Variants in LATS2 observed in about 807,000 individuals in gnomAD.
LATS2 encodes the protein large tumor suppressor kinase 2.
In LATS2, 24 loss-of-function variants were observed where a neutral mutation model predicts 76.0. The observed-to-expected ratio is 0.32, with a 90% CI of 0.23 to 0.44. The LOEUF is 0.44. LATS2 is among the 20% of genes least tolerant of loss of function. The pLI, the probability that LATS2 is intolerant of heterozygous loss-of-function variation, is 1.00. For synonymous variants in LATS2, 692 were observed against 635.4 expected (o/e 1.09, Z -1.34); for missense variants, 1,286 against 1,481.2 (o/e 0.87, Z 2.16).
At chr13:21,047,504 C>T (rs151158219) in intron 1 of LATS2, among the ~76,000 whole-genome samples, 13 of 152,320 alleles carry the variant, frequency 8.5e-5, no homozygotes, top group Middle Eastern at 3.4e-3. Flanking sequence ...CTTCCCTCAC[C>T]CACTCCCCCT....
intron 2 of LATS2, among the ~76,000 whole-genome samples, chr13:21,018,935 T>C (rs1158705532): frequency 3.9e-5 from 6 of 152,060 alleles, no homozygotes; most frequent in African/African-American, 1.2e-4. Context: ...TGTGAGCCAC[T>C]GTGCCTGGAC....
At chr13:21,021,299 C>G (rs1884400497) in intron 2 of LATS2, among the ~76,000 whole-genome samples, 1 of 151,594 alleles carries the variant, frequency 6.6e-6, no homozygotes, top group Non-Finnish European at 1.5e-5. Flanking sequence ...ATGGTGAAAC[C>G]CTGTCTCTAC....
intron 2 of LATS2, among the ~76,000 whole-genome samples, chr13:21,029,846 C>G (rs1168027558): frequency 6.6e-6 from 1 of 152,074 alleles, no homozygotes; most frequent in Non-Finnish European, 1.5e-5. Flanking sequence ...CCTGTAATCC[C>G]AGCACTTTGG....
chr13:21,039,635 A>G (rs1391467106), intron 2 of LATS2, among the ~76,000 whole-genome samples: 2 of 152,340 alleles, frequency 1.3e-5, no homozygotes, highest in East Asian at 3.9e-4. Context: ...ATGCTCTGCA[A>G]CATGGGAGGC....
intron 1 of LATS2, among the ~76,000 whole-genome samples, chr13:21,054,399 C>A (rs1341245385): frequency 1.3e-5 from 2 of 152,190 alleles, no homozygotes; most frequent in Admixed American, 6.5e-5. Context: ...CAGAGCAAGT[C>A]TCCACCTCAA....
intron 2 of LATS2, among the ~76,000 whole-genome samples, chr13:21,024,988 T>C (rs1872251235): frequency 1.3e-5 from 2 of 152,106 alleles, no homozygotes; most frequent in South Asian, 2.1e-4. Context: ...CCCCCATAAC[T>C]TTTTGCCTGG....
chr13:20,979,787 T>C lies in LATS2; in HGVS notation c.2676A>G (p.Gln892=), dbSNP rs760739279. The C allele has an allele frequency of 6.2e-7, 1 of 1,602,264 alleles. No homozygotes were observed. Among genetic ancestry groups the C allele is most frequent in the Non-Finnish European group, 8.5e-7 (1 of 1,170,168 alleles). Residue 892 remains glutamine (Q), a synonymous_variant, in exon 7 of 8, where the codon CAA becomes CAG. Transcript: ENST00000382592. The part of the protein sequence containing the change: ...PEVLLRKGYT[Q]LCDWWSVGVI... ...CTCCAACACTCCACCAGTCACAGAG[T>C]TGAGTGTACCCTGCAAGACAAAGTT... is the stretch of plus-strand genomic sequence containing the variant.
chr13:20,988,002 C>G lies in LATS2; in HGVS notation c.1778G>C (p.Arg593Pro). The part of the protein sequence containing the change: ...NSRDEEKRES[R>P]IKSYSPYAFK... ...GGCGTATGGCGAGTAGCTCTTGATG[C>G]GTGACTCTCTCTTCTCTTCGTCTCT... Residue 593 changes from arginine (R) to proline (P), a missense_variant, in exon 4 of 8, where the codon CGC becomes CCC. Transcript: ENST00000382592. 2 of 1,614,246 alleles carry G rather than the reference C, an allele frequency of 1.2e-6. No individual in the cohort carries two copies. The highest frequency in any genetic ancestry group is 1.7e-6 in the Non-Finnish European group (2 of 1,180,042).
intron 1 of LATS2, 145 bp from the exon 2 acceptor site, chr13:21,046,375 A>C (rs1291391933): frequency 3.7e-6 from 1 of 267,728 alleles, no homozygotes; most frequent in Non-Finnish European, 7.2e-6. Flanking sequence ...GAAATGACAA[A>C]AATACTGTTC....
intron 1 of LATS2, among the ~76,000 whole-genome samples, chr13:21,056,488 A>G (rs1873454378): frequency 6.6e-6 from 1 of 152,246 alleles, no homozygotes; most frequent in South Asian, 2.1e-4. Flanking sequence ...TCTGTACTCA[A>G]GATATCACAA....
At chr13:21,051,236 G>C (rs1873264876) in intron 1 of LATS2, among the ~76,000 whole-genome samples, 1 of 152,174 alleles carries the variant, frequency 6.6e-6, no homozygotes, top group South Asian at 2.1e-4. Context: ...TGCACAACCT[G>C]AACACCCACA....
intron 2 of LATS2, among the ~76,000 whole-genome samples, chr13:21,019,168 C>T (rs999198062): frequency 3.3e-5 from 5 of 152,066 alleles, no homozygotes; most frequent in Admixed American, 1.3e-4. Context: ...ATCTTAAGCA[C>T]GTAAGACAGT....
chr13:21,021,056 G>A (rs892093894), intron 2 of LATS2, among the ~76,000 whole-genome samples: 1 of 152,190 alleles, frequency 6.6e-6, no homozygotes, highest in Admixed American at 6.5e-5. Context: ...GAAGAGAGGT[G>A]GGAGGGTTAT....
At chr13:20,987,622 T>G (rs1013647463) in intron 4 of LATS2, among the ~76,000 whole-genome samples, 6 of 152,236 alleles carry the variant, frequency 3.9e-5, no homozygotes, top group African/African-American at 1.4e-4. Context: ...CAATGTAAAT[T>G]GTAGATTACC....
chr13:21,017,587 A>C (rs1342450470), intron 2 of LATS2, among the ~76,000 whole-genome samples: 1 of 151,698 alleles, frequency 6.6e-6, no homozygotes, highest in Non-Finnish European at 1.5e-5. Context: ...TGTCATCAGC[A>C]ACCAGTGCCT....
chr13:20,973,162 G>T lies in LATS2; in HGVS notation c.*1708C>A. 4.3e-6 allele frequency: 1 copy of T among 232,348 alleles called. No individual in the cohort carries two copies. The highest frequency in any genetic ancestry group is 8.5e-6 in the Non-Finnish European group (1 of 117,278). The allele number at this position is 232,348 out of a possible 1,614,324, so 14.4% of individuals were successfully genotyped here. ...CTACCACATGAAAGTATGTCAGAGCGCTGTGAGTAACAACATGGCACGACT... is the reference window on the plus strand; with the variant it reads ...CTACCACATGAAAGTATGTCAGAGCTCTGTGAGTAACAACATGGCACGACT... On this transcript the variant is annotated 3_prime_UTR_variant, in exon 8 of 8. Coordinates refer to ENST00000382592, the MANE Select transcript of LATS2 (RefSeq NM_014572.3).
At chr13:21,015,172 AATG>A (rs1285375184) in intron 2 of LATS2, among the ~76,000 whole-genome samples, 1 of 152,214 alleles carries the variant, frequency 6.6e-6, no homozygotes, top group Non-Finnish European at 1.5e-5. Flanking sequence ...TTCCTATTGA[AATG>A]AGCTATCCTG....
chr13:20,994,181 G>A (rs566552252), intron 2 of LATS2, among the ~76,000 whole-genome samples: 1 of 152,324 alleles, frequency 6.6e-6, no homozygotes, highest in East Asian at 1.9e-4. Flanking sequence ...CACAAGTGAA[G>A]ACTCATGTTC....
rs1162852286 is a variant in LATS2, at chr13:21,045,734, T to C, written c.293A>G (p.Glu98Gly). 1 of 1,614,232 alleles carries C rather than the reference T, an allele frequency of 6.2e-7. No individual in the cohort carries two copies. Among genetic ancestry groups the C allele is most frequent in the African/African-American group, 1.3e-5 (1 of 75,066 alleles). Residue 98 changes from glutamate (E) to glycine (G), a missense_variant, in exon 2 of 8, where the codon GAA becomes GGA. Around this residue, in one of 5 missense-constraint regions of LATS2, gnomAD observed 101 missense variants for 141.4 expected, o/e 0.71. Transcript: ENST00000382592. Reference protein sequence around the residue: ...ANESGTSAAAEVNRQMLQELV... With the variant: ...ANESGTSAAAGVNRQMLQELV... ...TTCCTGCAGCATTTGCCGGTTCACT[T>C]CTGCAGCTGCAGAGGTGCCCGATTC...
Sources: allele counts gnomAD v4.1 joint callset (sites outside exome capture counted in the v4.1 genomes callset), GRCh38; gene constraint gnomAD v4.1.1; regional missense constraint gnomAD v4.1.1; transcripts MANE v1.5; gene names NCBI Gene and HGNC (gene_info 2026-07-23, HGNC 2026-07-21).